Variants in IL12RB2 observed in about 807,000 individuals in gnomAD.
The protein encoded by IL12RB2 is interleukin 12 receptor subunit beta 2.
Under a neutral mutation model 89.4 loss-of-function variants are expected in IL12RB2, and 82 were observed. That is an observed-to-expected ratio of 0.92 (90% CI 0.77 to 1.10). The LOEUF (loss-of-function observed/expected upper bound fraction) is 1.10, where lower values mean the gene tolerates loss of function less well. IL12RB2 is among the 50% of genes least tolerant of loss of function. The pLI, the probability that IL12RB2 is intolerant of heterozygous loss-of-function variation, is 0.00. For missense variants in IL12RB2, 963 were observed against 1,031.9 expected, an observed-to-expected ratio of 0.93 and a Z score of 0.92; for synonymous variants, 368 against 370.1, an observed-to-expected ratio of 0.99 and a Z score of 0.07.
chr1:67,369,926 G>A (rs1037845068), intron 11 of IL12RB2, among the ~76,000 whole-genome samples: 6 of 150,416 alleles, frequency 4.0e-5, no homozygotes, highest in African/African-American at 1.2e-4. Flanking sequence ...GGAGGCTAAG[G>A]CAAGATAATT....
intron 16 of IL12RB2, among the ~76,000 whole-genome samples, chr1:67,390,819 G>C (rs771526754): frequency 3.9e-5 from 6 of 152,112 alleles, no homozygotes; most frequent in Non-Finnish European, 7.4e-5. Flanking sequence ...GGAGAAATAG[G>C]AGAGAGAAGT....
chr1:67,334,186 C>T (rs926692582), intron 8 of IL12RB2, among the ~76,000 whole-genome samples: 1 of 152,080 alleles, frequency 6.6e-6, no homozygotes, highest in African/African-American at 2.4e-5. Context: ...AAAAATATTG[C>T]CAAGATAAGA....
intron 3 of IL12RB2, 35 bp from the exon 4 acceptor site, chr1:67,321,567 C>T: frequency 7.0e-7 from 1 of 1,430,668 alleles, no homozygotes; most frequent in Non-Finnish European, 9.9e-7. Flanking sequence ...GGTTTATTAT[C>T]ACCAACTAAA....
chr1:67,379,435 A>C (rs1664333464), intron 13 of IL12RB2, among the ~76,000 whole-genome samples: 2 of 143,172 alleles, frequency 1.4e-5, no homozygotes, highest in South Asian at 2.3e-4. Context: ...GCTTGAACCC[A>C]GGAGGCGGAG....
intron 13 of IL12RB2, among the ~76,000 whole-genome samples, chr1:67,373,093 C>G (rs1383269008): frequency 1.3e-5 from 2 of 152,128 alleles, no homozygotes; most frequent in African/African-American, 4.8e-5. Flanking sequence ...ACAATAAAGT[C>G]ACTTCAGTAC....
At chr1:67,350,812 A>G in intron 9 of IL12RB2, 58 bp from the exon 10 acceptor site, 1 of 1,601,886 alleles carries the variant, frequency 6.2e-7, no homozygotes, top group East Asian at 2.2e-5. Flanking sequence ...AGGTCCAGGC[A>G]CAGAGCATCA....
At chr1:67,310,058 A>C (rs917358969) in intron 1 of IL12RB2, among the ~76,000 whole-genome samples, 2 of 151,808 alleles carry the variant, frequency 1.3e-5, no homozygotes, top group African/African-American at 2.4e-5. Context: ...ACCATGTGGC[A>C]TGGTAATCCC....
intron 8 of IL12RB2, among the ~76,000 whole-genome samples, chr1:67,331,280 C>G (rs1205530030): frequency 6.6e-6 from 1 of 152,184 alleles, no homozygotes; most frequent in African/African-American, 2.4e-5. Flanking sequence ...CAGCAATCCT[C>G]TCTTGTCCAA....
In IL12RB2 at chr1:67,350,951, A is replaced by T; in HGVS notation, c.1120A>T (p.Thr374Ser). ...GGAGCTGACAGGAGGGAAAGCCATG[A>T]CACAGAACATCACAGGACACACCTC... ...LQELTGGKAM[T>S]QNITGHTSWT... is the part of the protein sequence containing the mutation. The change falls in exon 10 of 17, where the codon ACA (threonine) becomes TCA (serine). Residue 374 changes from threonine to serine, a missense_variant. Coordinates refer to ENST00000674203, the MANE Select transcript of IL12RB2 (RefSeq NM_001374259.2). 1.2e-6 allele frequency: 2 copies of T among 1,614,158 alleles called. No homozygotes were observed. The highest frequency in any genetic ancestry group is 1.7e-6 in the Non-Finnish European group (2 of 1,180,000).
chr1:67,321,953 T>C, intron 4 of IL12RB2, 64 bp downstream of exon 4: 1 of 1,450,074 alleles, frequency 6.9e-7, no homozygotes, highest in Non-Finnish European at 9.7e-7. Flanking sequence ...TCTTTTGGTA[T>C]TTGGTGTTAA....
intron 14 of IL12RB2, among the ~76,000 whole-genome samples, chr1:67,382,708 A>ATTT (rs10693344): frequency 0.52 from 69,960 of 134,632 alleles, 18,878 homozygotes; most frequent in South Asian, 0.61. Flanking sequence ...CCAACTCTAC[A>ATTT]TTTTTTTTTT....
intron 1 of IL12RB2, among the ~76,000 whole-genome samples, chr1:67,309,952 A>T (rs1317379553): frequency 2.0e-5 from 3 of 151,910 alleles, no homozygotes; most frequent in Admixed American, 2.0e-4. Context: ...AGGTGGGGGG[A>T]TCACCTGAGG....
intron 14 of IL12RB2, among the ~76,000 whole-genome samples, chr1:67,380,354 A>G (rs947360597): frequency 6.6e-6 from 1 of 152,192 alleles, no homozygotes; most frequent in Admixed American, 6.5e-5. Flanking sequence ...TTCCTCCTTC[A>G]GGAAGCCTTC....
At chr1:67,388,128 T>C (rs1570209853) in intron 15 of IL12RB2, among the ~76,000 whole-genome samples, 1 of 152,202 alleles carries the variant, frequency 6.6e-6, no homozygotes, top group Non-Finnish European at 1.5e-5. Context: ...TAAGTTGAGA[T>C]TGCGCCACTG....
chr1:67,373,558 A>T lies in IL12RB2; in HGVS notation c.1717+775A>T, dbSNP rs183243465. Among the ~76,000 whole-genome samples, 10 of 152,374 alleles carry T rather than the reference A, an allele frequency of 6.6e-5. 1 individual carries two copies. In the East Asian group the frequency reaches 1.9e-3, roughly 29 times the overall value. The stretch of plus-strand genomic sequence containing the variant: ...AAGTAACCCTTTATGGCCCAAAATT[A>T]TTCTATAAGTATAAAACTAAAGCAA... On this transcript the variant is annotated intron_variant, in intron 13 of 16. Transcript: ENST00000674203.
intron 4 of IL12RB2, 36 bp downstream of exon 4, chr1:67,321,925 A>T: frequency 6.4e-7 from 1 of 1,567,400 alleles, no homozygotes; most frequent in Non-Finnish European, 8.8e-7. Flanking sequence ...AAACTTGGTG[A>T]TCTTTTGGTA....
chr1:67,308,060 G>A (rs1654509191), intron 1 of IL12RB2, 93 bp downstream of exon 1: 1 of 151,928 alleles, frequency 6.6e-6, no homozygotes, highest in African/African-American at 2.4e-5. Flanking sequence ...CGTGTCTCGC[G>A]TCTCCCGAGG....
chr1:67,320,451 T>C lies in IL12RB2; in HGVS notation c.76+7T>C. 1 of 1,613,736 alleles carries C rather than the reference T, an allele frequency of 6.2e-7. No individual in the cohort carries two copies. Among genetic ancestry groups the C allele is most frequent in the Non-Finnish European group, 8.5e-7 (1 of 1,179,836 alleles). ...TTGATTAAAGCAAAAATAGGTAAGA[T>C]ATTTCTGTAAGTTACTCTGTGGAAG... On this transcript the variant is annotated splice_region_variant and intron_variant, in intron 3 of 16. Coordinates refer to ENST00000674203, the MANE Select transcript of IL12RB2 (RefSeq NM_001374259.2).
chr1:67,321,722 A>C lies in IL12RB2; in HGVS notation c.197A>C (p.Asn66Thr), dbSNP rs142497181. The C allele has an allele frequency of 1.9e-6, 3 of 1,612,254 alleles. No homozygotes were observed. The highest frequency in any genetic ancestry group is 2.5e-6 in the Non-Finnish European group (3 of 1,178,466). Residue 66 changes from asparagine to threonine, a missense_variant, in exon 4 of 17, where the codon AAC becomes ACC. Transcript: ENST00000674203. Reference protein sequence around the residue: ...RQGCFHYSRRNKLILYKFDRR... With the variant: ...RQGCFHYSRRTKLILYKFDRR... Reference sequence around the variant, plus strand: ...GGCTGCTTTCACTATTCCAGACGTAACAAGTTAATCCTGTACAAGTTTGAC... The same window carrying C: ...GGCTGCTTTCACTATTCCAGACGTACCAAGTTAATCCTGTACAAGTTTGAC...
Sources: gnomAD v4.1 joint callset for allele counts (sites outside exome capture counted in the v4.1 genomes callset) on GRCh38, gnomAD v4.1.1 for gene constraint, MANE v1.5 for transcripts, NCBI Gene and HGNC (gene_info 2026-07-23, HGNC 2026-07-21) for gene names.